The following NKD1 variants were observed in gnomAD, a reference collection of about 807,000 sequenced individuals.
The protein encoded by NKD1 is NKD inhibitor of Wnt signaling pathway 1, also known as protein naked cuticle homolog 1.
NKD1 carries 21 observed loss-of-function variants against 56.0 expected under a neutral mutation model. That is an observed-to-expected ratio of 0.38 (90% CI 0.27 to 0.54). The LOEUF (loss-of-function observed/expected upper bound fraction) is 0.54. NKD1 is among the 20% of genes least tolerant of loss of function. The pLI, the probability that NKD1 is intolerant of heterozygous loss-of-function variation, is 0.82. For synonymous variants in NKD1, 263 were observed against 265.7 expected (o/e 0.99, Z 0.10); for missense variants, 578 against 642.7 (o/e 0.90, Z 1.09).
At position 50,608,337 on chromosome 16, in the gene NKD1, A is replaced by T; in HGVS notation, c.236A>T (p.Glu79Val). The change falls in exon 4 of 10, where the codon GAG (glutamate) becomes GTG (valine). Residue 79 changes from glutamate (E) to valine (V), a missense_variant. Coordinates refer to ENST00000268459, the MANE Select transcript of NKD1 (RefSeq NM_033119.5). ...DVLRDTLSEE[E>V]EDDFRLEVAL... is the part of the protein sequence containing the mutation. ...TTGAGAGACACGCTCAGCGAGGAAG[A>T]GGAGGACGACTTTCGGCTGGAAGGT... 6.2e-7 allele frequency: 1 copy of T among 1,613,382 alleles called. No individual in the cohort carries two copies. The highest frequency in any genetic ancestry group is 8.5e-7 in the Non-Finnish European group (1 of 1,179,642).
At chr16:50,564,363 T>G (rs570715025) in intron 3 of NKD1, among the ~76,000 whole-genome samples, 2 of 152,254 alleles carry the variant, frequency 1.3e-5, no homozygotes, top group Admixed American at 6.5e-5. Flanking sequence ...GTAAACTCCC[T>G]GCTGAGTTGG....
chr16:50,589,450 C>T (rs980984792), intron 3 of NKD1, among the ~76,000 whole-genome samples: 30 of 152,154 alleles, frequency 2.0e-4, no homozygotes, highest in African/African-American at 7.0e-4. Context: ...CCCAGCATGC[C>T]CTGAGGTGCT....
chr16:50,588,898 C>T (rs1961288826), intron 3 of NKD1, among the ~76,000 whole-genome samples: 1 of 152,160 alleles, frequency 6.6e-6, no homozygotes, highest in South Asian at 2.1e-4. Context: ...GCCACCATGC[C>T]TGGCCTCATA....
rs149559459 is a variant in NKD1 at position 50,570,799 on chromosome 16, C to T, written c.192+21244C>T. The T allele has an allele frequency of 4.4e-3, 4,344 of 984,450 alleles. 14 individuals are homozygous for T. The highest frequency in any genetic ancestry group is 0.011 in the South Asian group (232 of 21,268). 61.0% of individuals were successfully genotyped at this position (984,450 alleles called of 1,614,324 possible). ...TCTATGGAGTGACCATGTCTATTAG[C>T]CTTGGTTTTTCCATCTGGGAAATGT... is the stretch of plus-strand genomic sequence containing the variant. On this transcript the variant is annotated intron_variant, in intron 3 of 9. Coordinates refer to ENST00000268459, the MANE Select transcript of NKD1 (RefSeq NM_033119.5).
chr16:50,567,977 AT>A (rs1034169886), intron 3 of NKD1, among the ~76,000 whole-genome samples: 20 of 152,240 alleles, frequency 1.3e-4, no homozygotes, highest in African/African-American at 4.1e-4. Context: ...TTACAGAAAT[AT>A]TTTTACTGGG....
At chr16:50,600,364 T>C (rs1961568034) in intron 3 of NKD1, among the ~76,000 whole-genome samples, 1 of 151,816 alleles carries the variant, frequency 6.6e-6, no homozygotes, top group Admixed American at 6.6e-5. Flanking sequence ...GAGTCGCAGA[T>C]ACTCAGGAGA....
At chr16:50,602,496 T>G (rs1207188733) in intron 3 of NKD1, among the ~76,000 whole-genome samples, 2 of 152,248 alleles carry the variant, frequency 1.3e-5, no homozygotes, top group Admixed American at 6.5e-5. Flanking sequence ...TGGGTTATTA[T>G]CTGCAGTTTT....
rs1417187241 is a variant in NKD1 at position 50,633,710 on chromosome 16, C to T, written c.1342C>T (p.Pro448Ser). The change falls in exon 10 of 10, where the codon CCG becomes TCG. Residue 448 changes from proline to serine, a missense_variant. Pro to Ser is a moderately conservative substitution (Grantham distance 74). Coordinates refer to ENST00000268459, the MANE Select transcript of NKD1 (RefSeq NM_033119.5). The surrounding 1 kb of genome is among the most constrained non-coding windows in gnomAD (Gnocchi z 4.9). The stretch of plus-strand genomic sequence containing the variant: ...GGTGTATGAGAGCCAGGCCGGGCAG[C>T]CGGTCCAGAGACATGAGCACCACCA... ...LVVYESQAGQPVQRHEHHHHH... is the reference protein window; with the variant it reads ...LVVYESQAGQSVQRHEHHHHH... 3.2e-6 allele frequency: 5 copies of T among 1,585,758 alleles called. No individual in the cohort carries two copies. The highest frequency in any genetic ancestry group is 3.4e-6 in the Non-Finnish European group (4 of 1,166,290).
rs770292348 is a variant in NKD1, at chr16:50,642,094, A to T, written c.*8313A>T. ...ATTTAAGCAAAGCAAGAAATGGGAA[A>T]GGAGTTTGTTACATATCAGGCTTCC... On this transcript the variant is annotated 3_prime_UTR_variant, in exon 10 of 10. Coordinates refer to ENST00000268459, the MANE Select transcript of NKD1 (RefSeq NM_033119.5). 6.6e-6 allele frequency: 1 copy of T among 152,234 alleles called. No homozygotes were observed. The highest frequency in any genetic ancestry group is 1.5e-5 in the Non-Finnish European group (1 of 68,046). The allele number at this position is 152,234 out of a possible 1,614,324, so 9.4% of individuals were successfully genotyped here.
intron 3 of NKD1, among the ~76,000 whole-genome samples, chr16:50,559,263 G>C (rs1960570754): frequency 6.6e-6 from 1 of 152,214 alleles, no homozygotes. Context: ...TGATCACCTG[G>C]ATGTGTGCTC....
At position 50,591,312 on chromosome 16, in the gene NKD1, G is replaced by A. The variant is rs189703513; in HGVS notation, c.193-16982G>A. Among the ~76,000 whole-genome samples, 142 of 152,314 alleles carry A rather than the reference G, an allele frequency of 9.3e-4. 1 individual carries two copies. The highest frequency in any genetic ancestry group is 3.9e-3 in the South Asian group (19 of 4,828). Reference sequence around the variant, plus strand: ...CTCCCCTGTGGGCAGGGTGTCTGGCGCTGGGAGGGTTGGGTGCTGGGTTGA... The same window carrying A: ...CTCCCCTGTGGGCAGGGTGTCTGGCACTGGGAGGGTTGGGTGCTGGGTTGA... On this transcript the variant is annotated intron_variant, in intron 3 of 9. Coordinates refer to ENST00000268459, the MANE Select transcript of NKD1 (RefSeq NM_033119.5).
chr16:50,559,873 G>A (rs1960585664), intron 3 of NKD1, among the ~76,000 whole-genome samples: 1 of 152,150 alleles, frequency 6.6e-6, no homozygotes, highest in Non-Finnish European at 1.5e-5. Flanking sequence ...GCAGGATGGG[G>A]CTGTCTTCCC....
In NKD1 at chr16:50,635,522, G is replaced by C. The variant is rs1279234812; in HGVS notation, c.*1741G>C. Reference sequence around the variant, plus strand: ...CTGGCATTCTCTTTTCCAGAGCCTCGAGTTTGGGTTTAATGTAGTTAGTAA... The same window carrying C: ...CTGGCATTCTCTTTTCCAGAGCCTCCAGTTTGGGTTTAATGTAGTTAGTAA... On this transcript the variant is annotated 3_prime_UTR_variant, in exon 10 of 10. Coordinates refer to ENST00000268459, the MANE Select transcript of NKD1 (RefSeq NM_033119.5). The surrounding 1 kb of genome is among the most constrained non-coding windows in gnomAD (Gnocchi z 4.1). 1 of 152,232 alleles carries C rather than the reference G, an allele frequency of 6.6e-6. No individual in the cohort carries two copies. The highest frequency in any genetic ancestry group is 1.5e-5 in the Non-Finnish European group (1 of 68,048). 9.4% of individuals were successfully genotyped at this position (152,232 alleles called of 1,614,324 possible). A position where few individuals can be genotyped will look rare whatever the true frequency, so the allele number is the denominator to read the frequency against.
chr16:50,625,446 C>T, intron 5 of NKD1, 39 bp from the exon 6 acceptor site: 1 of 1,430,836 alleles, frequency 7.0e-7, no homozygotes, highest in East Asian at 2.3e-5. Flanking sequence ...AGTGTTGCCA[C>T]AGATAGGGGA....
Position 50,638,922 on chromosome 16 carries a change from A to G in NKD1, c.*5141A>G, listed in dbSNP as rs1962524983. ...CCACAAAGTAGAAGAATCCTGGTAC[A>G]TTTAGCCCATGAGCCTGGCACAGAT... is the stretch of plus-strand genomic sequence containing the variant. On this transcript the variant is annotated 3_prime_UTR_variant, in exon 10 of 10. Coordinates refer to ENST00000268459, the MANE Select transcript of NKD1 (RefSeq NM_033119.5). The G allele has an allele frequency of 6.6e-6, 1 of 152,168 alleles. No homozygotes were observed. Among genetic ancestry groups the G allele is most frequent in the Admixed American group, 6.5e-5 (1 of 15,278 alleles). The allele number at this position is 152,168 out of a possible 1,614,324, so 9.4% of individuals were successfully genotyped here. A position where few individuals can be genotyped will look rare whatever the true frequency, so the allele number is the denominator to read the frequency against.
intron 4 of NKD1, among the ~76,000 whole-genome samples, chr16:50,610,914 T>C (rs1596741150): frequency 6.6e-6 from 1 of 152,202 alleles, no homozygotes; most frequent in East Asian, 1.9e-4. Flanking sequence ...TGGCTGGGCG[T>C]GGCAGGGCTG....
intron 4 of NKD1, among the ~76,000 whole-genome samples, chr16:50,609,688 G>A (rs1181292488): frequency 6.6e-6 from 1 of 152,154 alleles, no homozygotes; most frequent in Non-Finnish European, 1.5e-5. Context: ...AGCTCCCCAG[G>A]TGGCTTGCAT....
rs577008048 is a variant in NKD1, at chr16:50,598,097, T to C, written c.193-10197T>C. 1.8e-3 allele frequency among the ~76,000 whole-genome samples: 276 copies of C among 152,042 alleles called. No homozygotes were observed. The highest frequency in any genetic ancestry group is 3.3e-3 in the Non-Finnish European group (225 of 67,966). On this transcript the variant is annotated intron_variant, in intron 3 of 9. Transcript: ENST00000268459. The surrounding 1 kb of genome is among the most constrained non-coding windows in gnomAD (Gnocchi z 4.2). ...TGGTGACAAGTTTCTTAGAGCTATTTTGGGGACAAGGGGACAGAAGGGGCC... is the reference window on the plus strand; with the variant it reads ...TGGTGACAAGTTTCTTAGAGCTATTCTGGGGACAAGGGGACAGAAGGGGCC...
intron 3 of NKD1, among the ~76,000 whole-genome samples, chr16:50,580,382 T>C (rs1439116054): frequency 1.3e-5 from 2 of 152,248 alleles, no homozygotes; most frequent in Non-Finnish European, 2.9e-5. Context: ...AAAGGCAAAG[T>C]CTGCGTCTTT....
Sources: gnomAD v4.1 joint callset for allele counts (sites outside exome capture counted in the v4.1 genomes callset) on GRCh38, gnomAD v4.1.1 for gene constraint, Gnocchi (gnomAD v3.1) non-coding constraint, MANE v1.5 for transcripts, NCBI Gene and HGNC (gene_info 2026-07-23, HGNC 2026-07-21) for gene names.